TANC2: variants seen among roughly 807,000 people sequenced by gnomAD.
TANC2 encodes tetratricopeptide repeat, ankyrin repeat and coiled-coil containing 2.
TANC2 carries 26 observed loss-of-function variants against 210.5 expected under a neutral mutation model. The ratio of observed to expected loss-of-function variants is 0.12; its 90% CI spans 0.09 to 0.17. TANC2 has a LOEUF of 0.17. Among genes scored for constraint, TANC2 ranks in the 10% least tolerant of loss-of-function variants. TANC2 has a pLI of 1.00. For missense variants in TANC2, 2,129 were observed against 2,608.9 expected (o/e 0.82, Z 4.01); for synonymous variants, 931 against 967.1 (o/e 0.96, Z 0.69).
intron 4 of TANC2, among the ~76,000 whole-genome samples, chr17:63,101,225 T>G (rs372273956): frequency 6.6e-6 from 1 of 152,282 alleles, no homozygotes. Flanking sequence ...AATTATATCT[T>G]GTTATAAGTA....
intron 1 of TANC2, among the ~76,000 whole-genome samples, chr17:62,974,529 G>C (rs956234087): frequency 2.6e-5 from 4 of 151,958 alleles, no homozygotes; most frequent in Non-Finnish European, 1.5e-5. Context: ...TTTATGGAGT[G>C]TATTAACATA....
chr17:62,979,207 C>T (rs1188009008), intron 1 of TANC2, among the ~76,000 whole-genome samples: 3 of 152,158 alleles, frequency 2.0e-5, no homozygotes, highest in South Asian at 2.1e-4. Context: ...CAGGTTTAAT[C>T]TCACGGTATA....
rs535252190 is a variant in TANC2 at position 63,119,351 on chromosome 17, T to C, written c.322+19994T>C. On this transcript the variant is annotated intron_variant, in intron 4 of 27. Transcript: ENST00000689528. Reference sequence around the variant, plus strand: ...TTTTGTCATTATACCATTCAATTTCTATTCCTTCTTCCATTTTTGAGACTT... The same window carrying C: ...TTTTGTCATTATACCATTCAATTTCCATTCCTTCTTCCATTTTTGAGACTT... 2.0e-5 allele frequency among the ~76,000 whole-genome samples: 3 copies of C among 152,372 alleles called. No homozygotes were observed. The South Asian group carries it at 6.2e-4, about 32-fold the overall frequency.
intron 9 of TANC2, among the ~76,000 whole-genome samples, chr17:63,288,283 T>A (rs1244118918): frequency 6.6e-6 from 1 of 152,238 alleles, no homozygotes; most frequent in Non-Finnish European, 1.5e-5. Flanking sequence ...AGATTCTGAC[T>A]GGGTTCTCTC....
At chr17:63,401,636 T>G (rs1339512613) in intron 19 of TANC2, among the ~76,000 whole-genome samples, 12 of 152,210 alleles carry the variant, frequency 7.9e-5, no homozygotes, top group Admixed American at 7.9e-4. Context: ...GTCATCATCT[T>G]ACATCCAGCT....
intron 12 of TANC2, among the ~76,000 whole-genome samples, chr17:63,341,306 T>A (rs17760362): frequency 0.17 from 25,174 of 152,240 alleles, 2,689 homozygotes; most frequent in Non-Finnish European, 0.24. Flanking sequence ...TTTTAAACAT[T>A]GCCGTTTCTC....
intron 8 of TANC2, among the ~76,000 whole-genome samples, 161 bp downstream of exon 8, chr17:63,238,238 A>G (rs1042702104): frequency 2.6e-5 from 4 of 152,068 alleles, no homozygotes; most frequent in African/African-American, 9.7e-5. Context: ...ATACATGTAT[A>G]TATTATTTGA....
At chr17:63,018,163 G>T (rs1233396002) in intron 2 of TANC2, among the ~76,000 whole-genome samples, 1 of 151,746 alleles carries the variant, frequency 6.6e-6, no homozygotes, top group African/African-American at 2.4e-5. Flanking sequence ...TAAATTAAAC[G>T]TTTTACTTTA....
At chr17:63,144,393 A>T (rs1017055116) in intron 4 of TANC2, among the ~76,000 whole-genome samples, 2 of 152,176 alleles carry the variant, frequency 1.3e-5, no homozygotes, top group African/African-American at 2.4e-5. Flanking sequence ...GCCACACTGC[A>T]TACATGTTAT....
intron 1 of TANC2, among the ~76,000 whole-genome samples, chr17:62,987,097 TACATGCA>T (rs2032608304): frequency 6.6e-6 from 1 of 151,832 alleles, no homozygotes; most frequent in Admixed American, 6.6e-5. Flanking sequence ...GCTGGGGGAG[TACATGCA>T]ACAGTTTGGG....
Position 63,026,785 on chromosome 17 carries a change from A to G in TANC2, c.67+17159A>G, listed in dbSNP as rs545413653. ...TTCTTTGTAAATTACTCTTATTCCA[A>G]CTTTAGGATTATGCTTCCCCAGGAC... On this transcript the variant is annotated intron_variant, in intron 2 of 27. Transcript: ENST00000689528. Among the ~76,000 whole-genome samples the G allele has an allele frequency of 6.6e-5, 10 of 152,296 alleles. No homozygotes were observed. The South Asian group carries it at 1.2e-3, about 19-fold the overall frequency.
rs1285464026 is a variant in TANC2 at position 63,022,787 on chromosome 17, G to A, written c.67+13161G>A. Among the ~76,000 whole-genome samples, 6 of 152,124 alleles carry A rather than the reference G, an allele frequency of 3.9e-5. No individual in the cohort carries two copies. The East Asian group carries it at 1.2e-3, about 29-fold the overall frequency. ...GTGTCTACTCCTTGCATGCCAGTGT[G>A]GTCCTGCTTGGCTGCACCAGCTGTG... On this transcript the variant is annotated intron_variant, in intron 2 of 27. Coordinates refer to ENST00000689528, the Ensembl canonical transcript of TANC2.
At chr17:62,974,985 A>G (rs2031920676) in intron 1 of TANC2, among the ~76,000 whole-genome samples, 1 of 152,238 alleles carries the variant, frequency 6.6e-6, no homozygotes, top group South Asian at 2.1e-4. Context: ...TAGCATTATC[A>G]TATGATGACG....
chr17:63,124,472 T>C (rs191982948), intron 4 of TANC2, among the ~76,000 whole-genome samples: 5 of 152,326 alleles, frequency 3.3e-5, no homozygotes, highest in African/African-American at 1.2e-4. Context: ...TCCAAACTCT[T>C]AGCTGCAGTG....
intron 11 of TANC2, among the ~76,000 whole-genome samples, chr17:63,319,335 G>A (rs976354355): frequency 1.3e-5 from 2 of 152,132 alleles, no homozygotes; most frequent in African/African-American, 2.4e-5. Flanking sequence ...AGTTGAGACC[G>A]AAGTGGGTTA....
In TANC2 at chr17:63,343,220, T is replaced by A. The variant is rs557766682; in HGVS notation, c.1807+2888T>A. Among the ~76,000 whole-genome samples the A allele has an allele frequency of 7.7e-4, 118 of 152,324 alleles. 2 individuals are homozygous for A. Among genetic ancestry groups the A allele is most frequent in the African/African-American group, 2.7e-3 (111 of 41,570 alleles). On this transcript the variant is annotated intron_variant, in intron 12 of 27. Transcript: ENST00000689528. ...AGCAAGACTCAACCATATGCAGTTT[T>A]TTAAATATAAAGACACAGATTGAAA... is the stretch of plus-strand genomic sequence containing the variant.
At chr17:63,307,782 T>A (rs1274155803) in intron 9 of TANC2, among the ~76,000 whole-genome samples, 1 of 152,150 alleles carries the variant, frequency 6.6e-6, no homozygotes, top group Non-Finnish European at 1.5e-5. Context: ...TTTGTTGTTT[T>A]TGAGACAGAG....
rs2049031633 is a variant in TANC2 at position 63,421,799 on chromosome 17, C to T, written c.6069C>T (p.Ser2023=). The change falls in exon 28 of 28, where the codon AGC becomes AGT. Residue 2023 remains serine (S), a synonymous_variant. Transcript: ENST00000689528. This position sits in a 1 kb window ranked among gnomAD's most constrained non-coding sequence, Gnocchi z 6.9. ...GTGGAGACCTCTTGGAGCGAGTCAGCCAGGCCTCCTCCTATCCCGACGTGA... is the reference window on the plus strand; with the variant it reads ...GTGGAGACCTCTTGGAGCGAGTCAGTCAGGCCTCCTCCTATCCCGACGTGA... 1.2e-6 allele frequency: 2 copies of T among 1,614,062 alleles called. No homozygotes were observed. The highest frequency in any genetic ancestry group is 1.7e-6 in the Non-Finnish European group (2 of 1,179,904).
chr17:63,352,170 T>C (rs1182478412), intron 13 of TANC2, among the ~76,000 whole-genome samples: 1 of 152,142 alleles, frequency 6.6e-6, no homozygotes, highest in South Asian at 2.1e-4. Context: ...TTTATAAAAA[T>C]TATTTCCTCC....
Sources: allele counts gnomAD v4.1 joint callset (sites outside exome capture counted in the v4.1 genomes callset), GRCh38; gene constraint gnomAD v4.1.1; non-coding constraint Gnocchi (gnomAD v3.1); transcripts MANE v1.5; gene names NCBI Gene and HGNC (gene_info 2026-07-23, HGNC 2026-07-21).